Variants in TMEM130 observed in about 807,000 individuals in gnomAD.
TMEM130 encodes the protein transmembrane protein 130.
TMEM130 carries 37 observed loss-of-function variants against 42.9 expected under a neutral mutation model. The observed-to-expected ratio is 0.86, with a 90% CI of 0.66 to 1.13. The LOEUF (loss-of-function observed/expected upper bound fraction) is 1.13, where lower values mean the gene tolerates loss of function less well. Among genes scored for constraint, TMEM130 ranks in the 50% most tolerant of loss-of-function variants. The pLI is 0.00. For missense variants in TMEM130, 545 were observed against 562.6 expected (o/e 0.97, Z 0.32); for synonymous variants, 259 against 237.7 (o/e 1.09, Z -0.82).
At chr7:98,858,035 C>A (rs1794674521) in intron 3 of TMEM130, among the ~76,000 whole-genome samples, 1 of 152,066 alleles carries the variant, frequency 6.6e-6, no homozygotes, top group Non-Finnish European at 1.5e-5. Flanking sequence ...AGCTACTGCA[C>A]CCGGCCAAAA....
intron 3 of TMEM130, among the ~76,000 whole-genome samples, chr7:98,858,240 G>A (rs1429672327): frequency 6.6e-6 from 1 of 151,882 alleles, no homozygotes; most frequent in African/African-American, 2.4e-5. Context: ...CGCTTTTTTG[G>A]CATCTAAAGA....
At position 98,848,088 on chromosome 7, in the gene TMEM130, G is replaced by T. The variant is rs370095796; in HGVS notation, c.1240C>A (p.Leu414Ile). The change falls in exon 8 of 8, where the codon CTC (leucine) becomes ATC (isoleucine). Residue 414 changes from leucine to isoleucine, a missense_variant. Transcript: ENST00000339375. ...VRENHGLLPP[L>I]YKSVKTYTV ...GTGTAAGTTTTGACAGACTTATAGAGGGGCGGGAGCAGCCCGTGGTTCTCA... is the reference window on the plus strand; with the variant it reads ...GTGTAAGTTTTGACAGACTTATAGATGGGCGGGAGCAGCCCGTGGTTCTCA... The T allele has an allele frequency of 6.2e-7, 1 of 1,613,934 alleles. No individual in the cohort carries two copies. Among genetic ancestry groups the T allele is most frequent in the Non-Finnish European group, 8.5e-7 (1 of 1,179,986 alleles).
rs113491196 is a variant in TMEM130 at position 98,867,660 on chromosome 7, A to G, written c.85+2117T>C. ...GGGACTGGGAGGGGGGATGGGGGGC[A>G]GGGAGGGGCTGTGTCTGCTGCAGAC... On this transcript the variant is annotated intron_variant, in intron 1 of 7. Transcript: ENST00000339375. Among the ~76,000 whole-genome samples the G allele has an allele frequency of 1.5e-3, 229 of 151,624 alleles. 1 individual carries two copies. The highest frequency in any genetic ancestry group is 5.3e-3 in the African/African-American group (219 of 41,428).
chr7:98,846,968 G>C lies in TMEM130; in HGVS notation c.*1088C>G, dbSNP rs1468610551. On this transcript the variant is annotated 3_prime_UTR_variant, in exon 8 of 8. Coordinates refer to ENST00000339375, the MANE Select transcript of TMEM130 (RefSeq NM_152913.3). ...CCTCCCGGGTTCGCACCATTCTCCTGCCTCAGCCTCCCGAGTAGCTGGGAC... is the reference window on the plus strand; with the variant it reads ...CCTCCCGGGTTCGCACCATTCTCCTCCCTCAGCCTCCCGAGTAGCTGGGAC... The C allele has an allele frequency of 6.6e-6, 1 of 151,944 alleles. No individual in the cohort carries two copies. The highest frequency in any genetic ancestry group is 2.4e-5 in the African/African-American group (1 of 41,308). The allele number at this position is 151,944 out of a possible 1,614,324, so 9.4% of individuals were successfully genotyped here.
intron 1 of TMEM130, 40 bp from the exon 2 acceptor site, chr7:98,863,440 T>C (rs782332765): frequency 4.6e-5 from 69 of 1,507,012 alleles, no homozygotes; most frequent in Non-Finnish European, 6.1e-5. Context: ...CAGAATGGTG[T>C]GTGGCAAGGA....
At chr7:98,867,298 T>C (rs1554400759) in intron 1 of TMEM130, among the ~76,000 whole-genome samples, 1 of 152,114 alleles carries the variant, frequency 6.6e-6, no homozygotes, top group African/African-American at 2.4e-5. Context: ...CATGGGTCAC[T>C]GCTGCTGCCT....
At chr7:98,867,352 C>T (rs1298507221) in intron 1 of TMEM130, among the ~76,000 whole-genome samples, 8 of 152,112 alleles carry the variant, frequency 5.3e-5, no homozygotes, top group Admixed American at 3.9e-4. Context: ...GGGCTTTGCT[C>T]TCCCTCCCCA....
At position 98,847,518 on chromosome 7, in the gene TMEM130, G is replaced by C. The variant is rs868928255; in HGVS notation, c.*538C>G. On this transcript the variant is annotated 3_prime_UTR_variant, in exon 8 of 8. Coordinates refer to ENST00000339375, the MANE Select transcript of TMEM130 (RefSeq NM_152913.3). ...TGTTTATATTTCTGTGTGTGTGTGTGTGTGTGTGTGTGTGTGTGTGTGTGG... is the reference window on the plus strand; with the variant it reads ...TGTTTATATTTCTGTGTGTGTGTGTCTGTGTGTGTGTGTGTGTGTGTGTGG... The C allele has an allele frequency of 4.2e-3, 589 of 141,096 alleles. 3 individuals are homozygous for C. Among genetic ancestry groups the C allele is most frequent in the Non-Finnish European group, 4.1e-3 (268 of 65,248 alleles). The allele number at this position is 141,096 out of a possible 1,614,324, so 8.7% of individuals were successfully genotyped here. A position where few individuals can be genotyped will look rare whatever the true frequency, so the allele number is the denominator to read the frequency against.
intron 6 of TMEM130, among the ~76,000 whole-genome samples, chr7:98,850,273 A>ATATATTTTTTTTTTTTT: frequency 5.6e-5 from 2 of 35,466 alleles, no homozygotes; most frequent in African/African-American, 1.5e-4. Context: ...ATATATATAT[A>ATATATTTTTTTTTTTTT]TTTTTTTTTT....
chr7:98,851,777 C>T (rs1450517487), intron 5 of TMEM130, among the ~76,000 whole-genome samples, 154 bp from the exon 6 acceptor site: 2 of 152,052 alleles, frequency 1.3e-5, no homozygotes, highest in African/African-American at 4.8e-5. Context: ...CATTCCAGAC[C>T]AGGGGACACT....
At chr7:98,852,181 C>T (rs1794525212) in intron 5 of TMEM130, among the ~76,000 whole-genome samples, 1 of 152,070 alleles carries the variant, frequency 6.6e-6, no homozygotes, top group African/African-American at 2.4e-5. Flanking sequence ...CACTCTGTTG[C>T]CCAGGCTGGA....
At chr7:98,860,571 C>G (rs1018719745) in intron 2 of TMEM130, among the ~76,000 whole-genome samples, 2 of 152,202 alleles carry the variant, frequency 1.3e-5, no homozygotes, top group Non-Finnish European at 2.9e-5. Context: ...CCGGAGGACT[C>G]TGTCACATTC....
rs1794587985 is a variant in TMEM130, at chr7:98,854,685, TGTG to T, written c.803+552_803+554del. Among the ~76,000 whole-genome samples, 6 of 152,318 alleles carry T rather than the reference TGTG, an allele frequency of 3.9e-5. No homozygotes were observed. The South Asian group carries it at 1.2e-3, about 32-fold the overall frequency. On this transcript the variant is annotated intron_variant, in intron 5 of 7. Coordinates refer to ENST00000339375, the MANE Select transcript of TMEM130 (RefSeq NM_152913.3). ...CCAGGAGGTCAAGGCTACATTGAGC[TGTG>T]ATGGTGCCACTGCACTCCAACCTGG...
chr7:98,850,501 A>G (rs1197144934), intron 6 of TMEM130, among the ~76,000 whole-genome samples: 1 of 150,668 alleles, frequency 6.6e-6, no homozygotes. Context: ...CTGGTCTCAA[A>G]CTCTTGGCCT....
At chr7:98,866,347 C>G (rs532150797) in intron 1 of TMEM130, 1 of 152,164 alleles carries the variant, frequency 6.6e-6, no homozygotes, top group Non-Finnish European at 1.5e-5. Context: ...AAAATCATAT[C>G]TCCCCAAAGC....
intron 1 of TMEM130, among the ~76,000 whole-genome samples, chr7:98,868,415 T>C (rs1464763040): frequency 6.6e-6 from 1 of 152,204 alleles, no homozygotes; most frequent in Non-Finnish European, 1.5e-5. Context: ...CACCTACCTT[T>C]TCCAGCAACA....
At chr7:98,857,372 A>G (rs782243253) in intron 3 of TMEM130, among the ~76,000 whole-genome samples, 13 of 152,148 alleles carry the variant, frequency 8.5e-5, no homozygotes, top group Non-Finnish European at 1.8e-4. Flanking sequence ...ATTTGACCAC[A>G]GGTCACTTTT....
chr7:98,860,875 G>A lies in TMEM130; in HGVS notation c.392-537C>T, dbSNP rs190958746. ...GGAGAATCGCTTGAACCTGGGAGGCGGAGGTTGCAGTGAGCCAAGATCGCG... is the reference window on the plus strand; with the variant it reads ...GGAGAATCGCTTGAACCTGGGAGGCAGAGGTTGCAGTGAGCCAAGATCGCG... On this transcript the variant is annotated intron_variant, in intron 2 of 7. Coordinates refer to ENST00000339375, the MANE Select transcript of TMEM130 (RefSeq NM_152913.3). Among the ~76,000 whole-genome samples, 1,143 of 149,618 alleles carry A rather than the reference G, an allele frequency of 7.6e-3. 70 individuals carry two copies. Among genetic ancestry groups the A allele is most frequent in the Admixed American group, 0.069 (1,026 of 14,958 alleles).
At chr7:98,850,273 A>ATATATATTTTTTTTTTTTTTT in intron 6 of TMEM130, among the ~76,000 whole-genome samples, 7 of 35,460 alleles carry the variant, frequency 2.0e-4, no homozygotes, top group South Asian at 1.1e-3. Flanking sequence ...ATATATATAT[A>ATATATATTTTTTTTTTTTTTT]TTTTTTTTTT....
Sources: allele counts gnomAD v4.1 joint callset (sites outside exome capture counted in the v4.1 genomes callset), GRCh38; gene constraint gnomAD v4.1.1; transcripts MANE v1.5; gene names NCBI Gene and HGNC (gene_info 2026-07-23, HGNC 2026-07-21).